Variants in HAAO observed in about 807,000 individuals in gnomAD.
HAAO encodes 3-hydroxyanthranilate 3,4-dioxygenase.
Under a neutral mutation model 46.2 loss-of-function variants are expected in HAAO, and 49 were observed. The observed-to-expected ratio is 1.06, with a 90% CI of 0.84 to 1.34. HAAO has a LOEUF of 1.34. Ranked by LOEUF, HAAO falls within the 40% of genes most tolerant of loss-of-function variation. HAAO has a pLI of 0.00. For missense variants in HAAO, 408 were observed against 364.5 expected, an observed-to-expected ratio of 1.12 and a Z score of -0.97; for synonymous variants, 157 against 145.2, an observed-to-expected ratio of 1.08 and a Z score of -0.58.
Position 42,783,729 on chromosome 2 carries a change from G to A in HAAO, c.243+55C>T, listed in dbSNP as rs982937046. On this transcript the variant is annotated intron_variant, in intron 3 of 9. Transcript: ENST00000294973. ...CAGGGCCAGGATGAGTGGACAGGGCGGATTCCAGCTGTGGCCGCCTTTCTC... is the reference window on the plus strand; with the variant it reads ...CAGGGCCAGGATGAGTGGACAGGGCAGATTCCAGCTGTGGCCGCCTTTCTC... The A allele has an allele frequency of 1.4e-5, 20 of 1,458,142 alleles. No homozygotes were observed. The African/African-American group carries it at 2.1e-4, about 15-fold the overall frequency. 90.3% of individuals were successfully genotyped at this position (1,458,142 alleles called of 1,614,324 possible). A position where few individuals can be genotyped will look rare whatever the true frequency, so the allele number is the denominator to read the frequency against.
Position 42,769,618 on chromosome 2 carries a change from AAAGAG to A in HAAO, c.630+90_630+94del, listed in dbSNP as rs1670947033. The A allele has an allele frequency of 1.0e-4, 84 of 836,556 alleles. 2 individuals are homozygous for A. The highest frequency in any genetic ancestry group is 3.1e-4 in the South Asian group (18 of 58,322). 51.8% of individuals were successfully genotyped at this position (836,556 alleles called of 1,614,324 possible). On this transcript the variant is annotated intron_variant, in intron 7 of 9. Coordinates refer to ENST00000294973, the MANE Select transcript of HAAO (RefSeq NM_012205.3). The stretch of plus-strand genomic sequence containing the variant: ...GTGTGTGTGTGTGAGTGTGTGTGTG[AAAGAG>A]AGAGAGAGAGAGGCAGTGAGAGAGA...
chr2:42,770,402 C>T, intron 5 of HAAO, 91 bp downstream of exon 5: 2 of 1,060,138 alleles, frequency 1.9e-6, no homozygotes, highest in Non-Finnish European at 1.4e-6. Context: ...CCAGGATCTC[C>T]ACCCTGGGAG....
intron 4 of HAAO, among the ~76,000 whole-genome samples, chr2:42,781,571 T>C (rs1672000648): frequency 6.6e-6 from 1 of 152,214 alleles, no homozygotes; most frequent in Non-Finnish European, 1.5e-5. Context: ...TAAAAGCCTA[T>C]GTAAAAAATA....
At chr2:42,785,128 C>G (rs1672294727) in intron 2 of HAAO, among the ~76,000 whole-genome samples, 1 of 152,218 alleles carries the variant, frequency 6.6e-6, no homozygotes, top group Non-Finnish European at 1.5e-5. Context: ...GTTTCCTCAT[C>G]TACATAATGA....
rs534003426 is a variant in HAAO at position 42,767,321 on chromosome 2, G to A, written c.*116C>T. 5.6e-5 allele frequency: 42 copies of A among 745,510 alleles called. No individual in the cohort carries two copies. The highest frequency in any genetic ancestry group is 9.5e-5 in the Non-Finnish European group (40 of 419,540). The allele number at this position is 745,510 out of a possible 1,614,324, so 46.2% of individuals were successfully genotyped here. A position where few individuals can be genotyped will look rare whatever the true frequency, so the allele number is the denominator to read the frequency against. ...GGGTGACAACAATGTGCAGGTCTGTGGGGGACACAGCGGCAGTACACAGAG... is the reference window on the plus strand; with the variant it reads ...GGGTGACAACAATGTGCAGGTCTGTAGGGGACACAGCGGCAGTACACAGAG... On this transcript the variant is annotated 3_prime_UTR_variant, in exon 10 of 10. Transcript: ENST00000294973.
At chr2:42,779,905 T>C (rs28870455) in intron 4 of HAAO, among the ~76,000 whole-genome samples, 57,296 of 152,124 alleles carry the variant, frequency 0.38, 11,887 homozygotes, top group African/African-American at 0.53. Context: ...ACAGGAAGCA[T>C]TGCCAAATAT....
rs199605149 is a variant in HAAO, at chr2:42,783,345, T to G, written c.319A>C (p.Arg107=). The change falls in exon 4 of 10, where the codon AGG becomes CGG. Residue 107 remains arginine, a synonymous_variant. Coordinates refer to ENST00000294973, the MANE Select transcript of HAAO (RefSeq NM_012205.3). ...ANTVGLVVER[R]RLETELDGLR... ...CCATCTAGCTCGGTCTCCAGCCGCCTTCGCTCAACCACCAGCCCCACGGTG... is the reference window on the plus strand; with the variant it reads ...CCATCTAGCTCGGTCTCCAGCCGCCGTCGCTCAACCACCAGCCCCACGGTG... The G allele has an allele frequency of 4.6e-5, 75 of 1,612,952 alleles. No individual in the cohort carries two copies. The East Asian group carries it at 1.6e-3, about 35-fold the overall frequency.
Position 42,770,490 on chromosome 2 carries a change from C to T in HAAO, c.440+3G>A, listed in dbSNP as rs377672880. 4.1e-5 allele frequency: 63 copies of T among 1,543,052 alleles called. No individual in the cohort carries two copies. Among genetic ancestry groups the T allele is most frequent in the African/African-American group, 3.7e-4 (27 of 72,878 alleles). ...AGAGGCAGGGGCTGGGCTGGGGGCT[C>T]ACTCCTGGATGATGGGGGCCAACTG... is the stretch of plus-strand genomic sequence containing the variant. On this transcript the variant is annotated splice_donor_region_variant and intron_variant, in intron 5 of 9. Transcript: ENST00000294973.
intron 4 of HAAO, among the ~76,000 whole-genome samples, chr2:42,775,246 G>GC (rs754063290): frequency 7.2e-5 from 5 of 69,178 alleles, no homozygotes; most frequent in African/African-American, 3.1e-4. Context: ...GACTGTCATG[G>GC]AAAAAAAAAA....
chr2:42,786,009 C>CTGTGTG (rs10606385), intron 2 of HAAO, among the ~76,000 whole-genome samples: 1,221 of 106,104 alleles, frequency 0.012, 21 homozygotes, highest in African/African-American at 0.017. Flanking sequence ...GAGGAAGCCT[C>CTGTGTG]TGTGTGTGTG....
At chr2:42,780,753 G>C (rs1366251121) in intron 4 of HAAO, among the ~76,000 whole-genome samples, 1 of 151,282 alleles carries the variant, frequency 6.6e-6, no homozygotes, top group Non-Finnish European at 1.5e-5. Context: ...TTTTGTGTGT[G>C]CTATTGACAG....
chr2:42,778,802 T>C (rs1212183567), intron 4 of HAAO, among the ~76,000 whole-genome samples: 2 of 152,134 alleles, frequency 1.3e-5, no homozygotes, highest in African/African-American at 4.8e-5. Flanking sequence ...AGGACCAATT[T>C]TGAGAGATAA....
intron 8 of HAAO, 32 bp from the exon 9 acceptor site, chr2:42,767,709 G>A: frequency 3.2e-6 from 5 of 1,557,186 alleles, no homozygotes; most frequent in South Asian, 1.1e-5. Context: ...ATCAAATGGA[G>A]ACTGTTGGGC....
At position 42,769,758 on chromosome 2, in the gene HAAO, C is replaced by T. The variant is rs780504848; in HGVS notation, c.585G>A (p.Gln195=). ...AWLDSHHREL[Q]AGTPLSLFGD... ...CAAACAGGCTGAGTGGTGTGCCTGC[C>T]TGCAGCTCCCTGTGGTGGCTGTCCA... The change falls in exon 7 of 10, where the codon CAG becomes CAA. Residue 195 remains glutamine, a synonymous_variant. Transcript: ENST00000294973. 1.9e-6 allele frequency: 3 copies of T among 1,613,880 alleles called. No individual in the cohort carries two copies. The Admixed American group carries it at 5.0e-5, about 27-fold the overall frequency.
At chr2:42,770,670 G>A (rs1160042746) in intron 4 of HAAO, 88 bp from the exon 5 acceptor site, 1 of 765,760 alleles carries the variant, frequency 1.3e-6, no homozygotes, top group Non-Finnish European at 2.1e-6. Context: ...GCTTGTAGAA[G>A]TCCCTGCAGA....
rs780063763 is a variant in HAAO, at chr2:42,783,794, C to T, written c.233G>A (p.Arg78Gln). ...GGGATCCGGCCTCACCTCTCCCTGCCGAATGACCACATCCCGGTGTTTCCC... is the reference window on the plus strand; with the variant it reads ...GGGATCCGGCCTCACCTCTCCCTGCTGAATGACCACATCCCGGTGTTTCCC... ...EQGKHRDVVI[R>Q]QGEIFLLPAR... Residue 78 changes from arginine (R) to glutamine (Q), a missense_variant, in exon 3 of 10, where the codon CGG becomes CAG. Transcript: ENST00000294973. 3 of 1,612,106 alleles carry T rather than the reference C, an allele frequency of 1.9e-6. No individual in the cohort carries two copies. Among genetic ancestry groups the T allele is most frequent in the South Asian group, 1.1e-5 (1 of 90,548 alleles).
intron 4 of HAAO, among the ~76,000 whole-genome samples, chr2:42,778,315 A>G (rs1445162945): frequency 6.8e-6 from 1 of 146,530 alleles, no homozygotes; most frequent in African/African-American, 2.6e-5. Flanking sequence ...TGGGTCTAAA[A>G]AGGACACCAG....
intron 2 of HAAO, chr2:42,784,071 G>A: frequency 1.9e-6 from 1 of 531,370 alleles, no homozygotes; most frequent in Non-Finnish European, 2.4e-6. Context: ...ATCATGTCTT[G>A]GACATGCAAG....
intron 4 of HAAO, among the ~76,000 whole-genome samples, chr2:42,780,970 A>G (rs55983270): frequency 2.0e-5 from 3 of 150,226 alleles, no homozygotes; most frequent in Non-Finnish European, 4.4e-5. Flanking sequence ...CCAGCTACTC[A>G]GGAGGCTGAG....
Sources: gnomAD v4.1 joint callset for allele counts (sites outside exome capture counted in the v4.1 genomes callset) on GRCh38, gnomAD v4.1.1 for gene constraint, MANE v1.5 for transcripts, NCBI Gene and HGNC (gene_info 2026-07-23, HGNC 2026-07-21) for gene names.